Variants in DNAJC1 observed in about 807,000 individuals in gnomAD.
DNAJC1 encodes dnaJ homolog subfamily C member 1.
In DNAJC1, 58 loss-of-function variants were observed where a neutral mutation model predicts 76.6. That is an observed-to-expected ratio of 0.76 (90% CI 0.61 to 0.94). The LOEUF is 0.94. Among genes scored for constraint, DNAJC1 ranks in the 40% least tolerant of loss-of-function variants. The pLI, the probability that DNAJC1 is intolerant of heterozygous loss-of-function variation, is 0.00. For missense variants in DNAJC1, 689 were observed against 677.3 expected (o/e 1.02, Z -0.19); for synonymous variants, 258 against 267.9 (o/e 0.96, Z 0.36).
chr10:21,777,701 A>G (rs1834471126), intron 9 of DNAJC1, among the ~76,000 whole-genome samples: 1 of 152,250 alleles, frequency 6.6e-6, no homozygotes, highest in Non-Finnish European at 1.5e-5. Context: ...ACATAGCCTA[A>G]GAAAGAGTCA....
chr10:21,929,095 A>T lies in DNAJC1; in HGVS notation c.269T>A (p.Leu90Gln). 1 of 1,612,710 alleles carries T rather than the reference A, an allele frequency of 6.2e-7. No homozygotes were observed. Among genetic ancestry groups the T allele is most frequent in the Non-Finnish European group, 8.5e-7 (1 of 1,179,686 alleles). ...DIRKAYRKLS[L>Q]TLHPDKNKDE... Reference sequence around the variant, plus strand: ...TTTATTCTTGTCTGGATGTAAAGTTAGTGAAAGCTTACGATATGCTTTTCT... The same window carrying T: ...TTTATTCTTGTCTGGATGTAAAGTTTGTGAAAGCTTACGATATGCTTTTCT... The change falls in exon 2 of 12, where the codon CTA becomes CAA. Residue 90 changes from leucine to glutamine, a missense_variant. Coordinates refer to ENST00000376980, the MANE Select transcript of DNAJC1 (RefSeq NM_022365.4).
intron 11 of DNAJC1, 114 bp downstream of exon 11, chr10:21,759,056 C>T: frequency 9.5e-7 from 1 of 1,049,324 alleles, no homozygotes; most frequent in Non-Finnish European, 1.4e-6. Flanking sequence ...AAGAAGAAAT[C>T]ACGGGGCAGG....
intron 8 of DNAJC1, among the ~76,000 whole-genome samples, chr10:21,851,299 C>A (rs563725796): frequency 1.3e-3 from 193 of 152,154 alleles, no homozygotes; most frequent in African/African-American, 4.4e-3. Context: ...AAAAAGACAA[C>A]CCAATTCAAA....
chr10:21,929,172 A>T, intron 1 of DNAJC1, 31 bp from the exon 2 acceptor site: 1 of 1,490,508 alleles, frequency 6.7e-7, no homozygotes, highest in Non-Finnish European at 9.2e-7. Context: ...GGAAAATACA[A>T]AGCAAACTTT....
chr10:21,995,926 A>G (rs1838409464), intron 1 of DNAJC1, among the ~76,000 whole-genome samples: 1 of 152,242 alleles, frequency 6.6e-6, no homozygotes, highest in Non-Finnish European at 1.5e-5. Flanking sequence ...TTCAGTAAAT[A>G]TAAGTAATAC....
Position 21,756,701 on chromosome 10 carries a change from GTTTTT to G in DNAJC1, c.1646_1650del (p.Lys549ThrfsTer3). The G allele has an allele frequency of 6.2e-7, 1 of 1,613,030 alleles. No individual in the cohort carries two copies. The highest frequency in any genetic ancestry group is 1.1e-5 in the South Asian group (1 of 91,062). Reference sequence around the variant, plus strand: ...TCCCAGAATATTCAGCTTTTAGCTTGTTTTTTCTTTTGGACCAGTTCAACCAGCAA... The same window carrying G: ...TCCCAGAATATTCAGCTTTTAGCTTGTCTTTTGGACCAGTTCAACCAGCAA... On this transcript the variant is annotated frameshift_variant, in exon 12 of 12. Coordinates refer to ENST00000376980, the MANE Select transcript of DNAJC1 (RefSeq NM_022365.4). LOFTEE classifies it high-confidence loss of function.
At chr10:21,915,133 A>G (rs952164833) in intron 6 of DNAJC1, among the ~76,000 whole-genome samples, 4 of 152,242 alleles carry the variant, frequency 2.6e-5, no homozygotes, top group African/African-American at 9.6e-5. Flanking sequence ...ACCAAAAGAC[A>G]TCTTAAGAAT....
At chr10:21,843,678 C>T (rs1220677646) in intron 8 of DNAJC1, among the ~76,000 whole-genome samples, 2 of 152,112 alleles carry the variant, frequency 1.3e-5, no homozygotes, top group African/African-American at 2.4e-5. Context: ...AGGCGTGAGC[C>T]ACTGTGCCTG....
intron 8 of DNAJC1, among the ~76,000 whole-genome samples, chr10:21,844,984 C>T (rs972571945): frequency 9.9e-5 from 15 of 152,134 alleles, no homozygotes; most frequent in Non-Finnish European, 1.8e-4. Context: ...CTGCAGTGAG[C>T]CTAGATCATG....
intron 8 of DNAJC1, among the ~76,000 whole-genome samples, chr10:21,814,833 A>T (rs2131650033): frequency 6.6e-6 from 1 of 152,334 alleles, no homozygotes; most frequent in Admixed American, 6.5e-5. Flanking sequence ...CCTCACAGAA[A>T]ATGAGAAAGT....
chr10:21,793,934 C>G (rs141925046), intron 9 of DNAJC1, among the ~76,000 whole-genome samples: 3 of 152,056 alleles, frequency 2.0e-5, no homozygotes, highest in East Asian at 1.9e-4. Context: ...ACCTGGGCAA[C>G]AGAGTGAGAC....
rs868069042 is a variant in DNAJC1 at position 22,003,648 on chromosome 10, A to G, written c.-214T>C. ...CGGGTGGGTAGGCGGGCGGGGCCGCAGCCAGCGCTACGTTCCGAAGACCCT... is the reference window on the plus strand; with the variant it reads ...CGGGTGGGTAGGCGGGCGGGGCCGCGGCCAGCGCTACGTTCCGAAGACCCT... On this transcript the variant is annotated 5_prime_UTR_variant, in exon 1 of 12. Coordinates refer to ENST00000376980, the MANE Select transcript of DNAJC1 (RefSeq NM_022365.4). The G allele has an allele frequency of 5.0e-5, 23 of 457,774 alleles. No homozygotes were observed. Among genetic ancestry groups the G allele is most frequent in the Non-Finnish European group, 7.8e-5 (22 of 281,058 alleles). 28.4% of individuals were successfully genotyped at this position (457,774 alleles called of 1,614,324 possible).
intron 9 of DNAJC1, among the ~76,000 whole-genome samples, chr10:21,802,606 C>A (rs1834825567): frequency 6.6e-6 from 1 of 152,106 alleles, no homozygotes; most frequent in African/African-American, 2.4e-5. Context: ...CTGTTTAAAT[C>A]TAGCCACCTG....
At chr10:21,816,658 GC>G (rs1835082495) in intron 8 of DNAJC1, among the ~76,000 whole-genome samples, 1 of 149,522 alleles carries the variant, frequency 6.7e-6, no homozygotes, top group Non-Finnish European at 1.5e-5. Context: ...CCATTCTCCT[GC>G]CTCAGGCTCC....
At chr10:21,995,681 C>T (rs1401034690) in intron 1 of DNAJC1, among the ~76,000 whole-genome samples, 3 of 152,208 alleles carry the variant, frequency 2.0e-5, no homozygotes, top group Non-Finnish European at 4.4e-5. Context: ...ATGAAGTATA[C>T]TGTTTTATAC....
intron 8 of DNAJC1, among the ~76,000 whole-genome samples, chr10:21,867,008 A>T (rs930833911): frequency 5.3e-5 from 8 of 152,172 alleles, no homozygotes; most frequent in African/African-American, 1.9e-4. Flanking sequence ...CTGGCTTTTC[A>T]GCTAATGCTG....
At chr10:21,839,683 C>A (rs1351724422) in intron 8 of DNAJC1, among the ~76,000 whole-genome samples, 1 of 152,158 alleles carries the variant, frequency 6.6e-6, no homozygotes, top group Non-Finnish European at 1.5e-5. Flanking sequence ...CAAGGAGGAG[C>A]TGGTACCATT....
intron 9 of DNAJC1, among the ~76,000 whole-genome samples, chr10:21,771,091 T>C (rs1467483427): frequency 6.6e-6 from 1 of 152,216 alleles, no homozygotes; most frequent in African/African-American, 2.4e-5. Context: ...CATTTTCAAG[T>C]TGTTCATTGT....
At chr10:21,777,195 G>A (rs1226253859) in intron 9 of DNAJC1, among the ~76,000 whole-genome samples, 1 of 152,052 alleles carries the variant, frequency 6.6e-6, no homozygotes, top group Non-Finnish European at 1.5e-5. Context: ...TTAGATACAG[G>A]GTTTAAAGTA....
Sources: gnomAD v4.1 joint callset for allele counts (sites outside exome capture counted in the v4.1 genomes callset) on GRCh38, gnomAD v4.1.1 for gene constraint, MANE v1.5 for transcripts, NCBI Gene and HGNC (gene_info 2026-07-23, HGNC 2026-07-21) for gene names.